Variants in EVC2 observed in about 807,000 individuals in gnomAD.
EVC2 encodes EvC ciliary complex subunit 2.
Under a neutral mutation model 149.3 loss-of-function variants are expected in EVC2, and 148 were observed. The observed-to-expected ratio is 0.99, with a 90% CI of 0.87 to 1.14. EVC2 has a LOEUF of 1.14. Ranked by LOEUF, EVC2 falls within the 50% of genes most tolerant of loss-of-function variation. EVC2 has a pLI of 0.00. For synonymous variants in EVC2, 776 were observed against 649.9 expected, an observed-to-expected ratio of 1.19 and a Z score of -2.95; for missense variants, 1,854 against 1,627.3, an observed-to-expected ratio of 1.14 and a Z score of -2.40.
intron 21 of EVC2, among the ~76,000 whole-genome samples, chr4:5,551,766 G>A (rs907644385): frequency 1.3e-5 from 2 of 152,190 alleles, no homozygotes; most frequent in East Asian, 1.9e-4. Context: ...GAGGGACACG[G>A]TGGGAGGTAA....
At position 5,633,054 on chromosome 4, in the gene EVC2, C is replaced by G. The variant is rs528900997; in HGVS notation, c.1471-1022G>C. Among the ~76,000 whole-genome samples, 1 of 152,350 alleles carries G rather than the reference C, an allele frequency of 6.6e-6. No homozygotes were observed. Among genetic ancestry groups the G allele is most frequent in the Admixed American group, 6.5e-5 (1 of 15,306 alleles). ...CTTTGAATTAATCAAAAGGAAGACT[C>G]TCCTGGGTGGGCCTGACTCCTTAAA... is the stretch of plus-strand genomic sequence containing the variant. On this transcript the variant is annotated intron_variant, in intron 10 of 21. Coordinates refer to ENST00000344408, the MANE Select transcript of EVC2 (RefSeq NM_147127.5). This position sits in a 1 kb window ranked among gnomAD's most constrained non-coding sequence, Gnocchi z 4.4.
At chr4:5,590,325 C>T (rs1252311912) in intron 16 of EVC2, among the ~76,000 whole-genome samples, 1 of 152,018 alleles carries the variant, frequency 6.6e-6, no homozygotes, top group Non-Finnish European at 1.5e-5. Context: ...AAGAGGTGAT[C>T]AATAAAAATA....
chr4:5,659,603 C>G (rs1718752119), intron 9 of EVC2, among the ~76,000 whole-genome samples: 1 of 152,102 alleles, frequency 6.6e-6, no homozygotes, highest in African/African-American at 2.4e-5. Context: ...AAACACTCTT[C>G]AGGCAAAATA....
chr4:5,551,164 C>A (rs752819199), intron 21 of EVC2, among the ~76,000 whole-genome samples: 3 of 112,770 alleles, frequency 2.7e-5, no homozygotes, highest in Non-Finnish European at 5.0e-5. Flanking sequence ...GAGAAGAGGG[C>A]CACTGTACTC....
At chr4:5,709,448 C>T (rs1438963747), upstream of EVC2, 2 of 152,254 alleles carry the variant, frequency 1.3e-5, no homozygotes, top group Admixed American at 1.3e-4. Flanking sequence ...GAGCCTGGCC[C>T]CTGGCAGCCT....
At chr4:5,563,183 T>C in intron 21 of EVC2, 68 bp from the exon 22 acceptor site, 12 of 1,461,692 alleles carry the variant, frequency 8.2e-6, no homozygotes, top group Non-Finnish European at 1.0e-5. Context: ...TTCTGAGTTC[T>C]CCAAGAGAAT....
chr4:5,595,140 C>G (rs928686477), intron 16 of EVC2, among the ~76,000 whole-genome samples: 2 of 152,182 alleles, frequency 1.3e-5, no homozygotes, highest in African/African-American at 4.8e-5. Flanking sequence ...TTGGAAAACA[C>G]TCTGAAGGAT....
chr4:5,583,626 A>G (rs1433296036), intron 17 of EVC2, among the ~76,000 whole-genome samples: 1 of 151,936 alleles, frequency 6.6e-6, no homozygotes, highest in Non-Finnish European at 1.5e-5. Flanking sequence ...TTTTGAATTC[A>G]TCTGTATAAA....
At chr4:5,607,553 C>T (rs1217253361) in intron 16 of EVC2, among the ~76,000 whole-genome samples, 1 of 152,082 alleles carries the variant, frequency 6.6e-6, no homozygotes, top group Admixed American at 6.6e-5. Context: ...GGATAGCTAC[C>T]TGTGACCAGA....
the EVC2 span, among the ~76,000 whole-genome samples, chr4:5,536,196 T>A: frequency 6.6e-6 from 1 of 152,148 alleles, no homozygotes; most frequent in East Asian, 1.9e-4. Flanking sequence ...AATGCAAATA[T>A]ATTTATAAGA....
At chr4:5,683,694 G>C (rs543489318) in intron 6 of EVC2, among the ~76,000 whole-genome samples, 4 of 152,062 alleles carry the variant, frequency 2.6e-5, no homozygotes, top group Non-Finnish European at 5.9e-5. Flanking sequence ...GGGAAGCCAC[G>C]AGGAAGGTCC....
the EVC2 span, among the ~76,000 whole-genome samples, chr4:5,534,818 GAAAAAAA>G: frequency 7.9e-3 from 529 of 66,878 alleles, 2 homozygotes; most frequent in African/African-American, 0.025. Context: ...CATCTGGTAG[GAAAAAAA>G]AAAAAAAAAA....
At chr4:5,595,405 G>A (rs867917271) in intron 16 of EVC2, among the ~76,000 whole-genome samples, 2 of 152,158 alleles carry the variant, frequency 1.3e-5, no homozygotes, top group African/African-American at 4.8e-5. Context: ...GAGAGTGGGG[G>A]CCAATATTCA....
chr4:5,603,712 T>C (rs1380777072), intron 16 of EVC2, among the ~76,000 whole-genome samples: 1 of 152,088 alleles, frequency 6.6e-6, no homozygotes, highest in African/African-American at 2.4e-5. Flanking sequence ...AAACAGTGAA[T>C]GAATAGTGGA....
At chr4:5,681,556 A>G (rs1389750224) in intron 6 of EVC2, among the ~76,000 whole-genome samples, 4 of 152,190 alleles carry the variant, frequency 2.6e-5, no homozygotes, top group Non-Finnish European at 5.9e-5. Context: ...AGAGAAAGTC[A>G]TGGCAGCATG....
intron 7 of EVC2, among the ~76,000 whole-genome samples, chr4:5,671,386 G>A (rs549485672): frequency 2.0e-5 from 3 of 152,328 alleles, no homozygotes; most frequent in East Asian, 3.9e-4. Context: ...GGGTGAGGGA[G>A]TAGCAGCAGG....
At position 5,677,556 on chromosome 4, in the gene EVC2, A is replaced by T. The variant is rs1448445333; in HGVS notation, c.870+3704T>A. 6.6e-6 allele frequency among the ~76,000 whole-genome samples: 1 copy of T among 152,196 alleles called. No individual in the cohort carries two copies. On this transcript the variant is annotated intron_variant, in intron 7 of 21. Transcript: ENST00000344408. This position sits in a 1 kb window ranked among gnomAD's most constrained non-coding sequence, Gnocchi z 4.3. ...TGAAGGCAACATGCAGGTGACGGGA[A>T]GCCTGGAAGACCTCGGCATGGCTCA...
At chr4:5,596,952 C>G (rs906778130) in intron 16 of EVC2, among the ~76,000 whole-genome samples, 7 of 152,174 alleles carry the variant, frequency 4.6e-5, no homozygotes, top group African/African-American at 1.2e-4. Flanking sequence ...CGCAAATAAA[C>G]TAGAAAATCT....
At chr4:5,559,874 TAGA>T (rs1448762569), downstream of EVC2, among the ~76,000 whole-genome samples, 8 of 151,768 alleles carry the variant, frequency 5.3e-5, no homozygotes, top group Non-Finnish European at 1.2e-4. This position sits in a 1 kb window ranked among gnomAD's most constrained non-coding sequence, Gnocchi z 5.0. Flanking sequence ...CTCAAGGAGG[TAGA>T]CTTATGTCCC....
Sources: allele counts gnomAD v4.1 joint callset (sites outside exome capture counted in the v4.1 genomes callset), GRCh38; gene constraint gnomAD v4.1.1; non-coding constraint Gnocchi (gnomAD v3.1); transcripts MANE v1.5; gene names NCBI Gene and HGNC (gene_info 2026-07-23, HGNC 2026-07-21).